The following LRRTM4 variants were observed in gnomAD, a reference collection of about 807,000 sequenced individuals.
LRRTM4 encodes the protein leucine rich repeat transmembrane neuronal 4.
LRRTM4 carries 25 observed loss-of-function variants against 47.6 expected under a neutral mutation model. The observed-to-expected ratio is 0.53, with a 90% CI of 0.38 to 0.73. The LOEUF is 0.73. LRRTM4 is among the 30% of genes least tolerant of loss of function. The probability of loss-of-function intolerance (pLI) is 0.00; values close to 1 mark genes in which losing one functional copy is unlikely to be tolerated. For synonymous variants in LRRTM4, 311 were observed against 269.5 expected (o/e 1.15, Z -1.51); for missense variants, 638 against 713.4 (o/e 0.89, Z 1.20).
At chr2:77,302,051 G>C (rs2104166005) in intron 3 of LRRTM4, among the ~76,000 whole-genome samples, 1 of 152,248 alleles carries the variant, frequency 6.6e-6, no homozygotes, top group South Asian at 2.1e-4. Flanking sequence ...GGTAGAAAAA[G>C]AGAGCTAAGC....
intron 3 of LRRTM4, among the ~76,000 whole-genome samples, chr2:77,170,287 G>A (rs1416515036): frequency 6.6e-6 from 1 of 152,162 alleles, no homozygotes; most frequent in African/African-American, 2.4e-5. Flanking sequence ...TTTGAAGATG[G>A]AAGAAAGCGG....
rs1194007474 is a variant in LRRTM4, at chr2:76,993,201, A to C, written c.1552-244285T>G. On this transcript the variant is annotated intron_variant, in intron 3 of 3. Coordinates refer to ENST00000409884, the MANE Select transcript of LRRTM4 (RefSeq NM_001134745.3). ...AAACCTAGGAACTACCATTCAGGAC[A>C]TCAGCTTTTGCAAATAATTTGTTAC... Among the ~76,000 whole-genome samples, 3 of 151,996 alleles carry C rather than the reference A, an allele frequency of 2.0e-5. No individual in the cohort carries two copies. The Admixed American group carries it at 2.0e-4, about 10-fold the overall frequency.
At chr2:77,275,906 T>G (rs1476795114) in intron 3 of LRRTM4, among the ~76,000 whole-genome samples, 1 of 152,138 alleles carries the variant, frequency 6.6e-6, no homozygotes, top group East Asian at 1.9e-4. Flanking sequence ...ATTTTTATGA[T>G]GAGCTTGTAT....
chr2:76,957,478 A>G (rs777106935), intron 3 of LRRTM4, among the ~76,000 whole-genome samples: 11 of 151,804 alleles, frequency 7.2e-5, no homozygotes, highest in Non-Finnish European at 1.5e-4. Flanking sequence ...GCTTTACTTG[A>G]TTTTAAAATC....
At chr2:77,199,110 T>C (rs1371213791) in intron 3 of LRRTM4, among the ~76,000 whole-genome samples, 3 of 152,198 alleles carry the variant, frequency 2.0e-5, no homozygotes, top group African/African-American at 4.8e-5. Flanking sequence ...TATTGAATGC[T>C]AATTTATAAA....
At chr2:76,933,575 A>C (rs1017305495) in intron 3 of LRRTM4, among the ~76,000 whole-genome samples, 1 of 152,128 alleles carries the variant, frequency 6.6e-6, no homozygotes, top group Non-Finnish European at 1.5e-5. Flanking sequence ...ATTGCATTTT[A>C]TAATTAATTA....
intron 3 of LRRTM4, among the ~76,000 whole-genome samples, chr2:76,890,547 C>T (rs1310773455): frequency 6.6e-6 from 1 of 151,806 alleles, no homozygotes; most frequent in East Asian, 1.9e-4. Context: ...TGTTTGTGCA[C>T]ATTGAAATTT....
intron 3 of LRRTM4, among the ~76,000 whole-genome samples, chr2:76,982,467 A>T (rs1214606984): frequency 2.0e-5 from 3 of 152,088 alleles, no homozygotes; most frequent in Non-Finnish European, 4.4e-5. Flanking sequence ...TCATTTTAAT[A>T]ATGATAATAA....
chr2:76,882,599 G>A (rs563348530), intron 3 of LRRTM4, among the ~76,000 whole-genome samples: 2 of 152,160 alleles, frequency 1.3e-5, no homozygotes, highest in African/African-American at 4.8e-5. Context: ...AGCTACTTGG[G>A]ACGCTGAGGT....
intron 3 of LRRTM4, among the ~76,000 whole-genome samples, chr2:76,921,917 T>G (rs1205988589): frequency 6.6e-6 from 1 of 152,062 alleles, no homozygotes; most frequent in Non-Finnish European, 1.5e-5. Flanking sequence ...TCCAAGGAAA[T>G]AAAATCACTA....
At chr2:77,491,170 T>A (rs1678147739) in intron 3 of LRRTM4, among the ~76,000 whole-genome samples, 1 of 151,950 alleles carries the variant, frequency 6.6e-6, no homozygotes, top group Non-Finnish European at 1.5e-5. Context: ...AGAGAAAAAG[T>A]CTACATTAAA....
chr2:76,984,700 T>G (rs1317698202), intron 3 of LRRTM4, among the ~76,000 whole-genome samples: 1 of 152,000 alleles, frequency 6.6e-6, no homozygotes, highest in Non-Finnish European at 1.5e-5. Context: ...ACTGGAGATA[T>G]GATGGAGCCA....
chr2:76,899,258 C>T (rs1011402731), intron 3 of LRRTM4, among the ~76,000 whole-genome samples: 4 of 151,198 alleles, frequency 2.6e-5, no homozygotes, highest in African/African-American at 9.7e-5. Context: ...ACTGCAAAAA[C>T]ACCTGCCCTC....
chr2:76,786,815 C>T (rs892729619), intron 3 of LRRTM4, among the ~76,000 whole-genome samples: 4 of 151,936 alleles, frequency 2.6e-5, no homozygotes, highest in Admixed American at 6.6e-5. Flanking sequence ...TTAAAGAATA[C>T]AGAAGGAACT....
rs543699899 is a variant in LRRTM4, at chr2:77,456,459, T to A, written c.1551+61859A>T. 2.6e-5 allele frequency among the ~76,000 whole-genome samples: 4 copies of A among 152,328 alleles called. No homozygotes were observed. The East Asian group carries it at 7.7e-4, about 29-fold the overall frequency. On this transcript the variant is annotated intron_variant, in intron 3 of 3. Coordinates refer to ENST00000409884, the MANE Select transcript of LRRTM4 (RefSeq NM_001134745.3). ...TACAACTAAAGCCTCCCTGTCCATT[T>A]GAAATAGTTTCTATTCCTTTTGACT...
At chr2:77,262,329 A>G (rs1419234761) in intron 3 of LRRTM4, among the ~76,000 whole-genome samples, 1 of 152,112 alleles carries the variant, frequency 6.6e-6, no homozygotes, top group Admixed American at 6.6e-5. Context: ...ATTGTCTTCC[A>G]CAAAACCAGT....
intron 3 of LRRTM4, among the ~76,000 whole-genome samples, chr2:76,834,111 G>A (rs1334024113): frequency 6.6e-6 from 1 of 151,410 alleles, no homozygotes; most frequent in Non-Finnish European, 1.5e-5. Flanking sequence ...CACCATCTTG[G>A]CTCACTGCAA....
intron 3 of LRRTM4, among the ~76,000 whole-genome samples, chr2:77,481,357 C>T (rs537034465): frequency 3.3e-5 from 5 of 152,176 alleles, no homozygotes; most frequent in Middle Eastern, 3.4e-3. Flanking sequence ...CCATCTAGTT[C>T]GAGAACCTGC....
chr2:77,079,418 G>A (rs1680457875), intron 3 of LRRTM4, among the ~76,000 whole-genome samples: 1 of 152,186 alleles, frequency 6.6e-6, no homozygotes, highest in South Asian at 2.1e-4. Context: ...TACAATTGCA[G>A]AGTTGAGTAG....
Sources: gnomAD v4.1 joint callset for allele counts (sites outside exome capture counted in the v4.1 genomes callset) on GRCh38, gnomAD v4.1.1 for gene constraint, MANE v1.5 for transcripts, NCBI Gene and HGNC (gene_info 2026-07-23, HGNC 2026-07-21) for gene names.